KIAA0753: variants seen among roughly 807,000 people sequenced by gnomAD.
KIAA0753 encodes the protein KIAA0753.
A neutral mutation model predicts 116.9 loss-of-function variants in KIAA0753; 114 were observed. The ratio of observed to expected loss-of-function variants is 0.98; its 90% confidence interval spans 0.84 to 1.14. The LOEUF (loss-of-function observed/expected upper bound fraction) is 1.14. Among genes scored for constraint, KIAA0753 ranks in the 50% most tolerant of loss-of-function variants. The pLI, the probability that KIAA0753 is intolerant of heterozygous loss-of-function variation, is 0.00. For missense variants in KIAA0753, 1,156 were observed against 1,172.4 expected (o/e 0.99, Z 0.20); for synonymous variants, 405 against 413.1 (o/e 0.98, Z 0.24).
At chr17:6,609,142 C>A (rs1474990585) in intron 9 of KIAA0753, among the ~76,000 whole-genome samples, 1 of 152,226 alleles carries the variant, frequency 6.6e-6, no homozygotes, top group Non-Finnish European at 1.5e-5. Flanking sequence ...CATTCCTTCA[C>A]ACTCATTCGG....
chr17:6,626,348 A>T (rs568074598), intron 3 of KIAA0753, among the ~76,000 whole-genome samples: 3 of 152,254 alleles, frequency 2.0e-5, no homozygotes, highest in Non-Finnish European at 4.4e-5. Context: ...TCTTTAAAAC[A>T]TCAAACAATG....
At chr17:6,621,178 T>G (rs1971297806) in intron 6 of KIAA0753, among the ~76,000 whole-genome samples, 180 bp from the exon 7 acceptor site, 1 of 152,250 alleles carries the variant, frequency 6.6e-6, no homozygotes. Flanking sequence ...AGTAACAATT[T>G]CTGTGAGTAC....
intron 18 of KIAA0753, among the ~76,000 whole-genome samples, chr17:6,587,905 T>A (rs1968702057): frequency 1.3e-5 from 2 of 152,094 alleles, no homozygotes; most frequent in African/African-American, 4.8e-5. Context: ...CACAGAAGAA[T>A]CATAACTGAT....
At chr17:6,608,722 A>T (rs753663688) in intron 9 of KIAA0753, among the ~76,000 whole-genome samples, 5 of 152,212 alleles carry the variant, frequency 3.3e-5, no homozygotes, top group Non-Finnish European at 5.9e-5. Flanking sequence ...ATTACAGAAT[A>T]TTGGGTGAGT....
intron 16 of KIAA0753, among the ~76,000 whole-genome samples, chr17:6,592,369 G>A (rs1969135725): frequency 6.6e-6 from 1 of 152,140 alleles, no homozygotes; most frequent in Non-Finnish European, 1.5e-5. Flanking sequence ...TCTTCATGAG[G>A]GTAGTACTCA....
chr17:6,620,435 C>CAT (rs56023780), intron 7 of KIAA0753, among the ~76,000 whole-genome samples: 2 of 148,272 alleles, frequency 1.3e-5, no homozygotes, highest in Non-Finnish European at 3.0e-5. Flanking sequence ...TATATATATA[C>CAT]ACATATATAT....
At chr17:6,631,408 G>C (rs879311337) in intron 2 of KIAA0753, among the ~76,000 whole-genome samples, 1 of 152,188 alleles carries the variant, frequency 6.6e-6, no homozygotes, top group Non-Finnish European at 1.5e-5. Context: ...CCAGAACTGA[G>C]CAAAAAAGTA....
At position 6,623,098 on chromosome 17, in the gene KIAA0753, C is replaced by A; in HGVS notation, c.889-1G>T. 3 of 1,611,302 alleles carry A rather than the reference C, an allele frequency of 1.9e-6. No homozygotes were observed. The highest frequency in any genetic ancestry group is 2.5e-6 in the Non-Finnish European group (3 of 1,178,748). ...CCGCCAGCTTAGACATTGCCCATGA[C>A]TGGTAATAAACAAGATGAGAGAAGT... On this transcript the variant is annotated splice_acceptor_variant, in intron 5 of 18. Coordinates refer to ENST00000361413, the MANE Select transcript of KIAA0753 (RefSeq NM_014804.3). LOFTEE classifies it high-confidence loss of function.
intron 7 of KIAA0753, among the ~76,000 whole-genome samples, chr17:6,615,210 C>T (rs1221659520): frequency 1.3e-5 from 2 of 152,210 alleles, no homozygotes; most frequent in Non-Finnish European, 2.9e-5. Context: ...GCTGGGATTA[C>T]AGGCGTGAGC....
In KIAA0753 at chr17:6,627,548, G is replaced by A. The variant is rs961879358; in HGVS notation, c.718+569C>T. ...CGTGGAACCAGTCTTCTACTCAGCAGGGAAATACAAGGGCCCTGAGAACAC... is the reference window on the plus strand; with the variant it reads ...CGTGGAACCAGTCTTCTACTCAGCAAGGAAATACAAGGGCCCTGAGAACAC... On this transcript the variant is annotated intron_variant, in intron 3 of 18. Transcript: ENST00000361413. Among the ~76,000 whole-genome samples, 47 of 152,082 alleles carry A rather than the reference G, an allele frequency of 3.1e-4. 1 individual carries two copies. Among genetic ancestry groups the A allele is most frequent in the Non-Finnish European group, 1.5e-5 (1 of 68,018 alleles).
intron 7 of KIAA0753, among the ~76,000 whole-genome samples, chr17:6,619,620 T>C (rs1209780127): frequency 6.6e-6 from 1 of 152,026 alleles, no homozygotes; most frequent in African/African-American, 2.4e-5. Flanking sequence ...AGAGACAGAG[T>C]CTACTTATGT....
intron 13 of KIAA0753, among the ~76,000 whole-genome samples, chr17:6,599,839 T>C (rs1238416280): frequency 6.6e-6 from 1 of 152,202 alleles, no homozygotes; most frequent in African/African-American, 2.4e-5. Context: ...TGGCCTCATC[T>C]AGTCATACAC....
At chr17:6,636,278 A>C (rs982029644) in intron 1 of KIAA0753, 3 of 152,198 alleles carry the variant, frequency 2.0e-5, no homozygotes, top group Non-Finnish European at 4.4e-5. Flanking sequence ...AGATGGGAGG[A>C]GGCACATGAG....
intron 6 of KIAA0753, 69 bp from the exon 7 acceptor site, chr17:6,621,067 G>A: frequency 7.1e-7 from 1 of 1,413,448 alleles, no homozygotes; most frequent in Non-Finnish European, 9.8e-7. Context: ...TCACAAAACT[G>A]AAAATAAGGA....
At chr17:6,614,514 G>GC (rs1016042394) in intron 7 of KIAA0753, among the ~76,000 whole-genome samples, 2 of 149,364 alleles carry the variant, frequency 1.3e-5, no homozygotes, top group Admixed American at 6.7e-5. Context: ...AAGTGGGGGG[G>GC]GGTAAGCAAA....
At chr17:6,588,887 T>A (rs1318421499) in intron 18 of KIAA0753, among the ~76,000 whole-genome samples, 1 of 152,048 alleles carries the variant, frequency 6.6e-6, no homozygotes, top group Non-Finnish European at 1.5e-5. Flanking sequence ...CTTACCCACA[T>A]AAAGAAAGGA....
rs931613792 is a variant in KIAA0753 at position 6,585,427 on chromosome 17, G to T, written c.2786+4352C>A. Among the ~76,000 whole-genome samples the T allele has an allele frequency of 5.9e-5, 9 of 152,196 alleles. No individual in the cohort carries two copies. In the East Asian group the frequency reaches 1.7e-3, roughly 29 times the overall value. ...TCAATCTAAAGACTAACAGTCTTCT[G>T]GGAAATTTTCTTATAGCATTTCTCT... On this transcript the variant is annotated intron_variant, in intron 18 of 18. Coordinates refer to ENST00000361413, the MANE Select transcript of KIAA0753 (RefSeq NM_014804.3).
intron 2 of KIAA0753, among the ~76,000 whole-genome samples, chr17:6,634,398 C>G (rs947706519): frequency 2.0e-5 from 3 of 152,206 alleles, no homozygotes; most frequent in African/African-American, 7.2e-5. Context: ...GCCACCGCAT[C>G]TGGCCCTAAA....
At position 6,596,133 on chromosome 17, in the gene KIAA0753, C is replaced by A. The variant is rs1173050959; in HGVS notation, c.2358+25G>T. ...GCAGAGGCCAGCCCCTAGCAGCGAA[C>A]CAGACCCGGAGCCCCAGACCTTACT... On this transcript the variant is annotated intron_variant, in intron 15 of 18. Coordinates refer to ENST00000361413, the MANE Select transcript of KIAA0753 (RefSeq NM_014804.3). The A allele has an allele frequency of 3.7e-6, 6 of 1,606,056 alleles. No homozygotes were observed. The South Asian group carries it at 6.6e-5, about 18-fold the overall frequency.
Sources: gnomAD v4.1 joint callset for allele counts (sites outside exome capture counted in the v4.1 genomes callset) on GRCh38, gnomAD v4.1.1 for gene constraint, MANE v1.5 for transcripts, NCBI Gene and HGNC (gene_info 2026-07-23, HGNC 2026-07-21) for gene names.